Variants in HS6ST3 observed in about 807,000 individuals in gnomAD.
HS6ST3 encodes heparan sulfate 6-O-sulfotransferase 3.
Under a neutral mutation model 36.7 loss-of-function variants are expected in HS6ST3, and 12 were observed. The ratio of observed to expected loss-of-function variants is 0.33; its 90% confidence interval spans 0.21 to 0.53. The LOEUF (loss-of-function observed/expected upper bound fraction) is 0.53. HS6ST3 is among the 20% of genes least tolerant of loss of function. The pLI is 0.95. For missense variants in HS6ST3, 584 were observed against 640.9 expected, an observed-to-expected ratio of 0.91 and a Z score of 0.96; for synonymous variants, 240 against 257.5, an observed-to-expected ratio of 0.93 and a Z score of 0.65.
At chr13:96,138,918 T>C (rs919095017) in intron 1 of HS6ST3, among the ~76,000 whole-genome samples, 4 of 152,146 alleles carry the variant, frequency 2.6e-5, no homozygotes, top group Non-Finnish European at 5.9e-5. Flanking sequence ...TATGGTTATT[T>C]CTGGGTATGC....
intron 1 of HS6ST3, among the ~76,000 whole-genome samples, chr13:96,698,581 G>A (rs115121280): frequency 0.015 from 2,270 of 152,156 alleles, 54 homozygotes; most frequent in African/African-American, 0.051. Context: ...AAGGAGAACT[G>A]CAAACCATTG....
At chr13:96,678,470 C>T (rs1434735067) in intron 1 of HS6ST3, among the ~76,000 whole-genome samples, 1 of 152,068 alleles carries the variant, frequency 6.6e-6, no homozygotes, top group Non-Finnish European at 1.5e-5. Context: ...GTCAGAAGTT[C>T]AAGACCAGCC....
intron 1 of HS6ST3, among the ~76,000 whole-genome samples, chr13:96,584,401 C>T (rs922804841): frequency 1.3e-5 from 2 of 152,144 alleles, no homozygotes; most frequent in African/African-American, 2.4e-5. Flanking sequence ...ACCTCAGCCT[C>T]CCAAAGTGCT....
At chr13:96,626,599 A>AT (rs2056513243) in intron 1 of HS6ST3, among the ~76,000 whole-genome samples, 1 of 152,084 alleles carries the variant, frequency 6.6e-6, no homozygotes, top group African/African-American at 2.4e-5. Flanking sequence ...GTTCTTGATC[A>AT]TTTACTATTC....
chr13:96,360,945 C>CCAA (rs1555300658), intron 1 of HS6ST3, among the ~76,000 whole-genome samples: 2,683 of 130,746 alleles, frequency 0.021, 91 homozygotes, highest in African/African-American at 0.039. Context: ...GACCCTGTCC[C>CCAA]AAAAAAAAAA....
At position 96,476,605 on chromosome 13, in the gene HS6ST3, C is replaced by T. The variant is rs1173887100; in HGVS notation, c.708-355885C>T. On this transcript the variant is annotated intron_variant, in intron 1 of 1. Transcript: ENST00000376705. ...CTTGATCTCCTGACCTCGTGATTGG[C>T]CAGCCTCGGCCTCCCAAAGTGCTGG... Among the ~76,000 whole-genome samples the T allele has an allele frequency of 2.0e-5, 3 of 152,180 alleles. No individual in the cohort carries two copies. In the East Asian group the frequency reaches 5.8e-4, roughly 29 times the overall value.
chr13:96,383,080 C>T (rs974710527), intron 1 of HS6ST3, among the ~76,000 whole-genome samples: 3 of 152,182 alleles, frequency 2.0e-5, no homozygotes, highest in Non-Finnish European at 2.9e-5. Context: ...AGGTGATTTA[C>T]AGGGACAAAG....
intron 1 of HS6ST3, among the ~76,000 whole-genome samples, chr13:96,128,865 T>TTTTTTTTTTA (rs1376093401): frequency 2.1e-4 from 32 of 151,580 alleles, no homozygotes; most frequent in African/African-American, 7.8e-4. Context: ...TTTTTTTTTT[T>TTTTTTTTTTA]GGCGGAGTTT....
intron 1 of HS6ST3, among the ~76,000 whole-genome samples, chr13:96,731,265 G>C (rs147896100): frequency 1.3e-5 from 2 of 151,960 alleles, no homozygotes; most frequent in Non-Finnish European, 2.9e-5. Flanking sequence ...TCCCAGTCTC[G>C]GGTAACCACC....
At chr13:96,452,503 A>C (rs1168099314) in intron 1 of HS6ST3, among the ~76,000 whole-genome samples, 9 of 152,096 alleles carry the variant, frequency 5.9e-5, no homozygotes, top group Non-Finnish European at 1.3e-4. Context: ...ATGTCATTCA[A>C]ATTTTCTTTT....
chr13:96,406,741 T>C (rs2055480509), intron 1 of HS6ST3, among the ~76,000 whole-genome samples: 1 of 152,160 alleles, frequency 6.6e-6, no homozygotes, highest in African/African-American at 2.4e-5. Flanking sequence ...GTGGGGAGAA[T>C]GCAGATCTTT....
At chr13:96,292,901 T>G (rs1262277836) in intron 1 of HS6ST3, among the ~76,000 whole-genome samples, 1 of 152,102 alleles carries the variant, frequency 6.6e-6, no homozygotes, top group Non-Finnish European at 1.5e-5. Flanking sequence ...GAACATGAAT[T>G]GCTGCTTTTA....
At chr13:96,375,749 G>A (rs1356593071) in intron 1 of HS6ST3, among the ~76,000 whole-genome samples, 2 of 152,118 alleles carry the variant, frequency 1.3e-5, no homozygotes, top group Non-Finnish European at 2.9e-5. Flanking sequence ...TGGAATGCTG[G>A]TATTTACTTG....
chr13:96,541,299 A>C (rs1056168047), intron 1 of HS6ST3, among the ~76,000 whole-genome samples: 8 of 152,110 alleles, frequency 5.3e-5, no homozygotes, highest in African/African-American at 1.7e-4. Flanking sequence ...AGCCTTCCAG[A>C]GTGCTGGGAT....
chr13:96,445,244 A>G (rs1338562752), intron 1 of HS6ST3, among the ~76,000 whole-genome samples: 4 of 152,196 alleles, frequency 2.6e-5, no homozygotes, highest in African/African-American at 9.6e-5. Flanking sequence ...GAAGAAGAAA[A>G]CATTGAAGCT....
chr13:96,180,681 A>G (rs10450823), intron 1 of HS6ST3, among the ~76,000 whole-genome samples: 3,373 of 152,300 alleles, frequency 0.022, 129 homozygotes, highest in African/African-American at 0.078. Flanking sequence ...ATATGGAATA[A>G]CTTATTTAGT....
chr13:96,261,842 G>T (rs1479125338), intron 1 of HS6ST3, among the ~76,000 whole-genome samples: 1 of 152,130 alleles, frequency 6.6e-6, no homozygotes, highest in East Asian at 1.9e-4. Flanking sequence ...TGAAGATAAA[G>T]GTATTTTATG....
At chr13:96,799,775 G>A (rs1877998373) in intron 1 of HS6ST3, among the ~76,000 whole-genome samples, 1 of 142,486 alleles carries the variant, frequency 7.0e-6, no homozygotes, top group Non-Finnish European at 1.5e-5. Flanking sequence ...AAAACTTAAA[G>A]TATAATAATA....
At chr13:96,537,143 G>A (rs922188177) in intron 1 of HS6ST3, among the ~76,000 whole-genome samples, 3 of 152,150 alleles carry the variant, frequency 2.0e-5, no homozygotes, top group Admixed American at 6.5e-5. Context: ...CATGTGGCTG[G>A]GGAGGCCTCA....
Sources: allele counts gnomAD v4.1 joint callset (sites outside exome capture counted in the v4.1 genomes callset), GRCh38; gene constraint gnomAD v4.1.1; transcripts MANE v1.5; gene names NCBI Gene and HGNC (gene_info 2026-07-23, HGNC 2026-07-21).